The following MOB3B variants were observed in gnomAD, a reference collection of about 807,000 sequenced individuals.
MOB3B encodes MOB kinase activator-like 2B.
Under a neutral mutation model 18.7 loss-of-function variants are expected in MOB3B, and 7 were observed. That is an observed-to-expected ratio of 0.37 (90% confidence interval 0.21 to 0.70). The LOEUF is 0.70. Among genes scored for constraint, MOB3B ranks in the 30% least tolerant of loss-of-function variants. The pLI is 0.52. For synonymous variants in MOB3B, 111 were observed against 99.9 expected (o/e 1.11, Z -0.66); for missense variants, 253 against 281.3 (o/e 0.90, Z 0.72).
chr9:27,422,016 C>CT (rs1822260600), intron 2 of MOB3B, among the ~76,000 whole-genome samples: 3 of 152,190 alleles, frequency 2.0e-5, no homozygotes. Context: ...TTGTTCTCTG[C>CT]TGTGTCCTCA....
In MOB3B at chr9:27,357,147, T is replaced by TG. The variant is rs1554645161; in HGVS notation, c.621+1886dup. Among the ~76,000 whole-genome samples, 7 of 74,382 alleles carry TG rather than the reference T, an allele frequency of 9.4e-5. 1 individual carries two copies. Among genetic ancestry groups the TG allele is most frequent in the African/African-American group, 3.3e-4 (7 of 21,282 alleles). 48.8% of individuals were successfully genotyped at this position (74,382 alleles called of 152,430 possible). A position where few individuals can be genotyped will look rare whatever the true frequency, so the allele number is the denominator to read the frequency against. ...ATATATATATATATATATATATATG[T>TG]GTTTTTTTTTTTGCCATATATTCTC... On this transcript the variant is annotated intron_variant, in intron 3 of 3. Coordinates refer to ENST00000262244, the MANE Select transcript of MOB3B (RefSeq NM_024761.5).
chr9:27,467,230 T>TCTAC (rs1819398472), intron 1 of MOB3B, among the ~76,000 whole-genome samples: 2 of 152,184 alleles, frequency 1.3e-5, no homozygotes, highest in South Asian at 4.1e-4. Flanking sequence ...AAGATGCAGG[T>TCTAC]CTGAGTCCAG....
chr9:27,373,423 C>T (rs780306998), intron 2 of MOB3B, among the ~76,000 whole-genome samples: 2 of 152,178 alleles, frequency 1.3e-5, no homozygotes, highest in Non-Finnish European at 2.9e-5. Flanking sequence ...GTGCTAGATA[C>T]TAGGGATTCA....
chr9:27,420,563 ATATAT>A (rs1822230968), intron 2 of MOB3B, among the ~76,000 whole-genome samples: 2 of 89,442 alleles, frequency 2.2e-5, no homozygotes, highest in African/African-American at 7.7e-5. Context: ...ATATATATAT[ATATAT>A]ATATATATAT....
chr9:27,463,325 A>C (rs1300752519), intron 1 of MOB3B, among the ~76,000 whole-genome samples: 1 of 152,210 alleles, frequency 6.6e-6, no homozygotes, highest in Non-Finnish European at 1.5e-5. Flanking sequence ...ACTGAGACAC[A>C]GTGAGATTGA....
chr9:27,391,785 A>G lies in MOB3B; in HGVS notation c.419-32549T>C, dbSNP rs145173269. The G allele has an allele frequency of 4.0e-4, 61 of 152,368 alleles. No individual in the cohort carries two copies. In the East Asian group the frequency reaches 0.011, roughly 27 times the overall value. 9.4% of individuals were successfully genotyped at this position (152,368 alleles called of 1,614,324 possible). On this transcript the variant is annotated intron_variant, in intron 2 of 3. Transcript: ENST00000262244. ...TATCATATGTTCAGTTAAGCATAAA[A>G]GTGACTTCAAATTTAGAGAATGCTT...
intron 1 of MOB3B, among the ~76,000 whole-genome samples, chr9:27,527,795 G>T (rs142200077): frequency 3.9e-4 from 60 of 152,326 alleles, no homozygotes; most frequent in Admixed American, 2.2e-3. Flanking sequence ...AAGACAACTC[G>T]CTGGGCACCA....
At chr9:27,348,220 G>T (rs1821057003) in intron 3 of MOB3B, among the ~76,000 whole-genome samples, 1 of 152,044 alleles carries the variant, frequency 6.6e-6, no homozygotes, top group Non-Finnish European at 1.5e-5. Flanking sequence ...TTGTGCTGTA[G>T]GATGTAGAAA....
intron 1 of MOB3B, among the ~76,000 whole-genome samples, chr9:27,504,979 C>G (rs1820038181): frequency 6.6e-6 from 1 of 152,168 alleles, no homozygotes; most frequent in South Asian, 2.1e-4. Context: ...TCTCCTCAGA[C>G]TCTCGCTTGC....
intron 1 of MOB3B, among the ~76,000 whole-genome samples, chr9:27,488,595 A>G (rs1391508502): frequency 6.6e-6 from 1 of 151,950 alleles, no homozygotes; most frequent in Non-Finnish European, 1.5e-5. Context: ...TTTAGTAGAG[A>G]CAGGGTTTCA....
intron 2 of MOB3B, among the ~76,000 whole-genome samples, chr9:27,372,436 T>C (rs887444402): frequency 6.6e-6 from 1 of 152,208 alleles, no homozygotes; most frequent in African/African-American, 2.4e-5. Context: ...TTCAAGGAGA[T>C]GAATGAAGCT....
chr9:27,525,210 T>C (rs1820417514), intron 1 of MOB3B, among the ~76,000 whole-genome samples: 1 of 152,188 alleles, frequency 6.6e-6, no homozygotes, highest in Non-Finnish European at 1.5e-5. Flanking sequence ...TCCGTCTTCT[T>C]CTATTCTCTC....
chr9:27,363,203 G>A (rs1379229982), intron 2 of MOB3B, among the ~76,000 whole-genome samples: 2 of 152,176 alleles, frequency 1.3e-5, no homozygotes, highest in African/African-American at 4.8e-5. Flanking sequence ...CTGTGTATGT[G>A]CAATGTCATT....
At chr9:27,440,525 G>A (rs910563877) in intron 2 of MOB3B, among the ~76,000 whole-genome samples, 3 of 152,154 alleles carry the variant, frequency 2.0e-5, no homozygotes, top group Non-Finnish European at 2.9e-5. Flanking sequence ...GCTCTCCTGA[G>A]CCTGAATATT....
At chr9:27,355,553 C>G (rs1007853632) in intron 3 of MOB3B, among the ~76,000 whole-genome samples, 2 of 137,470 alleles carry the variant, frequency 1.5e-5, no homozygotes, top group African/African-American at 5.7e-5. Context: ...TAGTTTTTTT[C>G]TTTTTCTTCT....
intron 2 of MOB3B, among the ~76,000 whole-genome samples, chr9:27,386,934 C>T (rs1410047117): frequency 6.6e-6 from 1 of 152,218 alleles, no homozygotes; most frequent in African/African-American, 2.4e-5. Context: ...CCTGTAATTT[C>T]ACAGCTGCCT....
chr9:27,406,345 T>A (rs528063253), intron 2 of MOB3B, among the ~76,000 whole-genome samples: 4 of 152,266 alleles, frequency 2.6e-5, no homozygotes, highest in South Asian at 4.1e-4. Context: ...GCAATCCCTG[T>A]CATAACACCA....
At chr9:27,451,181 C>T (rs979146849) in intron 2 of MOB3B, among the ~76,000 whole-genome samples, 4 of 152,086 alleles carry the variant, frequency 2.6e-5, no homozygotes, top group African/African-American at 9.7e-5. Context: ...ATAAAAATTA[C>T]TGTAATTAGT....
In MOB3B at chr9:27,376,007, C is replaced by T. The variant is rs193286300; in HGVS notation, c.419-16771G>A. ...TTATCATTATCACCCATAATCCCAT[C>T]AAGAAATAATCACTGGTAATATTTT... On this transcript the variant is annotated intron_variant, in intron 2 of 3. Transcript: ENST00000262244. Among the ~76,000 whole-genome samples, 683 of 152,314 alleles carry T rather than the reference C, an allele frequency of 4.5e-3. 3 individuals carry two copies. Among genetic ancestry groups the T allele is most frequent in the African/African-American group, 0.016 (645 of 41,574 alleles).
Sources: gnomAD v4.1 joint callset for allele counts (sites outside exome capture counted in the v4.1 genomes callset) on GRCh38, gnomAD v4.1.1 for gene constraint, MANE v1.5 for transcripts, NCBI Gene and HGNC (gene_info 2026-07-23, HGNC 2026-07-21) for gene names.